The following MAGI2 variants were observed in gnomAD, a reference collection of about 807,000 sequenced individuals.
MAGI2 encodes the protein membrane-associated guanylate kinase, WW and PDZ domain-containing protein 2.
A neutral mutation model predicts 133.3 loss-of-function variants in MAGI2; 35 were observed. The ratio of observed to expected loss-of-function variants is 0.26; its 90% CI spans 0.20 to 0.35. The LOEUF (loss-of-function observed/expected upper bound fraction) is 0.35. Ranked by LOEUF, MAGI2 falls within the 10% of genes least tolerant of loss-of-function variation. The probability of loss-of-function intolerance (pLI) is 1.00; values close to 1 mark genes in which losing one functional copy is unlikely to be tolerated. For synonymous variants in MAGI2, 729 were observed against 710.6 expected (o/e 1.03, Z -0.41); for missense variants, 1,636 against 1,863.4 (o/e 0.88, Z 2.25).
chr7:78,557,831 TATTG>T (rs1156439592), intron 3 of MAGI2, among the ~76,000 whole-genome samples: 17 of 152,334 alleles, frequency 1.1e-4, no homozygotes, highest in African/African-American at 1.4e-4. Context: ...AGTTTTTGCT[TATTG>T]ATTATTTAAA....
chr7:79,079,467 CATTT>C (rs1442989068), intron 1 of MAGI2, among the ~76,000 whole-genome samples: 4 of 152,066 alleles, frequency 2.6e-5, no homozygotes, highest in Non-Finnish European at 4.4e-5. Flanking sequence ...GGAAGAGGAA[CATTT>C]AAACAAGGCC....
chr7:78,704,940 G>A (rs965888330), intron 2 of MAGI2, among the ~76,000 whole-genome samples: 1 of 151,872 alleles, frequency 6.6e-6, no homozygotes, highest in Non-Finnish European at 1.5e-5. Context: ...CTTGTAAGGG[G>A]GAGCTAAACA....
intron 3 of MAGI2, among the ~76,000 whole-genome samples, chr7:78,546,433 T>C (rs939197440): frequency 6.6e-6 from 1 of 152,114 alleles, no homozygotes; most frequent in Non-Finnish European, 1.5e-5. Flanking sequence ...CATCAAAACA[T>C]AATACTCTAA....
intron 1 of MAGI2, among the ~76,000 whole-genome samples, chr7:79,203,982 A>C (rs1266419455): frequency 6.6e-6 from 1 of 152,052 alleles, no homozygotes; most frequent in Admixed American, 6.5e-5. Context: ...GTAGTACAAT[A>C]ATAAGAAAAG....
intron 2 of MAGI2, among the ~76,000 whole-genome samples, chr7:78,961,461 C>T (rs1802835030): frequency 2.0e-5 from 3 of 152,104 alleles, no homozygotes; most frequent in Admixed American, 2.0e-4. Flanking sequence ...GTACCCTAAA[C>T]TAATCGCTGT....
chr7:78,206,580 C>G (rs143932022), intron 10 of MAGI2, among the ~76,000 whole-genome samples: 1 of 152,050 alleles, frequency 6.6e-6, no homozygotes, highest in African/African-American at 2.4e-5. Flanking sequence ...CGTGAGCCAC[C>G]GCGCCTGGCC....
intron 9 of MAGI2, among the ~76,000 whole-genome samples, chr7:78,336,441 G>T (rs576401238): frequency 1.3e-5 from 2 of 152,180 alleles, no homozygotes; most frequent in African/African-American, 4.8e-5. Context: ...TTCTAGGATC[G>T]GCTGGGCATG....
intron 1 of MAGI2, among the ~76,000 whole-genome samples, chr7:79,293,365 T>G (rs925027824): frequency 4.6e-5 from 7 of 152,334 alleles, no homozygotes; most frequent in African/African-American, 1.7e-4. Context: ...ATATAAAAAT[T>G]TCCCATTTAT....
At chr7:79,068,600 C>T (rs1814621896) in intron 1 of MAGI2, among the ~76,000 whole-genome samples, 2 of 152,170 alleles carry the variant, frequency 1.3e-5, no homozygotes, top group East Asian at 3.9e-4. Context: ...CCATTCTGCT[C>T]TGATCTTAGT....
chr7:78,277,055 TGTA>T (rs1360956503), intron 9 of MAGI2, among the ~76,000 whole-genome samples: 1 of 152,190 alleles, frequency 6.6e-6, no homozygotes, highest in Admixed American at 6.5e-5. Flanking sequence ...AACTACTAGT[TGTA>T]GTTTCTAATC....
At chr7:78,991,910 C>T (rs1168192642) in intron 2 of MAGI2, among the ~76,000 whole-genome samples, 1 of 152,032 alleles carries the variant, frequency 6.6e-6, no homozygotes, top group African/African-American at 2.4e-5. Flanking sequence ...GGGATTGCCA[C>T]AATATTTTTC....
chr7:79,430,172 T>C (rs566709558), intron 1 of MAGI2, among the ~76,000 whole-genome samples: 1 of 152,250 alleles, frequency 6.6e-6, no homozygotes, highest in South Asian at 2.1e-4. Flanking sequence ...TTTTAAATAT[T>C]CTATAAAATT....
At chr7:79,289,906 G>T (rs193169566) in intron 1 of MAGI2, among the ~76,000 whole-genome samples, 177 of 151,874 alleles carry the variant, frequency 1.2e-3, no homozygotes, top group African/African-American at 4.0e-3. Flanking sequence ...AAGTAATTTT[G>T]AAAACCAAAT....
chr7:79,437,651 T>C (rs1848239668), intron 1 of MAGI2, among the ~76,000 whole-genome samples: 1 of 152,052 alleles, frequency 6.6e-6, no homozygotes, highest in African/African-American at 2.4e-5. Context: ...GTCACAGCAA[T>C]GGGCAAGAAG....
intron 1 of MAGI2, among the ~76,000 whole-genome samples, chr7:79,425,518 C>CA (rs1847282654): frequency 4.6e-5 from 7 of 150,730 alleles, no homozygotes; most frequent in African/African-American, 1.5e-4. Flanking sequence ...ATACTAACAT[C>CA]CTAAAGCTAA....
At chr7:78,061,173 A>T (rs1463055112) in intron 21 of MAGI2, among the ~76,000 whole-genome samples, 1 of 135,038 alleles carries the variant, frequency 7.4e-6, no homozygotes, top group Non-Finnish European at 1.6e-5. Flanking sequence ...AAAAAAAAAA[A>T]AAAGGTTTTC....
chr7:79,028,827 C>T (rs1016327887), intron 1 of MAGI2, among the ~76,000 whole-genome samples: 3 of 151,996 alleles, frequency 2.0e-5, no homozygotes, highest in African/African-American at 7.2e-5. Flanking sequence ...TTATTTTGGA[C>T]TGATAAGCTA....
chr7:78,842,065 A>T (rs1350456836), intron 2 of MAGI2, among the ~76,000 whole-genome samples: 1 of 152,018 alleles, frequency 6.6e-6, no homozygotes, highest in African/African-American at 2.4e-5. Context: ...TCATTCAGGC[A>T]TTCAACCAGT....
chr7:78,569,624 A>G (rs946180597), intron 3 of MAGI2, among the ~76,000 whole-genome samples: 2 of 152,240 alleles, frequency 1.3e-5, no homozygotes, highest in African/African-American at 2.4e-5. Context: ...CAACAGTAAT[A>G]TTTAAAAAAA....
Sources: allele counts gnomAD v4.1 joint callset (sites outside exome capture counted in the v4.1 genomes callset), GRCh38; gene constraint gnomAD v4.1.1; transcripts MANE v1.5; gene names NCBI Gene and HGNC (gene_info 2026-07-23, HGNC 2026-07-21).